Variants in TLE4 observed in about 807,000 individuals in gnomAD.
The protein encoded by TLE4 is transducin-like enhancer protein 4.
In TLE4, 8 loss-of-function variants were observed where a neutral mutation model predicts 92.8. That is an observed-to-expected ratio of 0.09 (90% CI 0.05 to 0.16). The LOEUF (loss-of-function observed/expected upper bound fraction) is 0.16, where lower values mean the gene tolerates loss of function less well. Among genes scored for constraint, TLE4 ranks in the 10% least tolerant of loss-of-function variants. The pLI is 1.00. For missense variants in TLE4, 675 were observed against 997.6 expected (o/e 0.68, Z 4.36); for synonymous variants, 371 against 374.1 (o/e 0.99, Z 0.10).
intron 5 of TLE4, among the ~76,000 whole-genome samples, chr9:79,625,063 A>G (rs1207904218): frequency 9.3e-6 from 1 of 107,552 alleles, no homozygotes; most frequent in East Asian, 3.1e-4. Context: ...TCTGTCGCCC[A>G]GGCTGGAGTG....
At chr9:79,666,437 C>A (rs894399991) in intron 8 of TLE4, among the ~76,000 whole-genome samples, 10 of 152,108 alleles carry the variant, frequency 6.6e-5, no homozygotes, top group Non-Finnish European at 1.5e-4. Flanking sequence ...TGTGGTTTCA[C>A]CATGTTGGCC....
At chr9:79,607,374 T>G (rs1183295409) in intron 4 of TLE4, among the ~76,000 whole-genome samples, 1 of 152,174 alleles carries the variant, frequency 6.6e-6, no homozygotes, top group Non-Finnish European at 1.5e-5. Context: ...CTCTTTAGTT[T>G]AATTAGATCC....
intron 4 of TLE4, among the ~76,000 whole-genome samples, chr9:79,604,207 G>A (rs938233178): frequency 6.6e-6 from 1 of 152,118 alleles, no homozygotes; most frequent in African/African-American, 2.4e-5. Context: ...GATGAGCCAT[G>A]GGAAGATCTG....
At chr9:79,652,548 G>A (rs768619781) in intron 6 of TLE4, 45 bp from the exon 7 acceptor site, 2 of 1,605,922 alleles carry the variant, frequency 1.2e-6, no homozygotes, top group Non-Finnish European at 1.7e-6. Context: ...GCAGGGGTTG[G>A]ATATGGGGGC....
intron 4 of TLE4, among the ~76,000 whole-genome samples, chr9:79,603,560 G>C (rs1012977945): frequency 2.6e-5 from 4 of 152,048 alleles, no homozygotes; most frequent in Admixed American, 2.0e-4. Flanking sequence ...TTAAACTATA[G>C]TACAAACATA....
chr9:79,637,309 A>G (rs140465018), intron 6 of TLE4, among the ~76,000 whole-genome samples: 8 of 152,320 alleles, frequency 5.3e-5, no homozygotes, highest in Non-Finnish European at 1.0e-4. Context: ...GGAAGGAAAT[A>G]CTGTTCCAGC....
At chr9:79,663,583 C>T (rs2060901429) in intron 8 of TLE4, 1 of 152,246 alleles carries the variant, frequency 6.6e-6, no homozygotes. Context: ...GCAAGGTTCC[C>T]CTGGTTTCAT....
Position 79,572,732 on chromosome 9 carries a change from G to A in TLE4, c.-59G>A, listed in dbSNP as rs2036140778. The A allele has an allele frequency of 1.0e-5, 16 of 1,570,248 alleles. No homozygotes were observed. In the South Asian group the frequency reaches 1.4e-4, roughly 13 times the overall value. ...CTGCCGCGGCCGCCTCCTCTTCGGG[G>A]TCATTAAAGCCAATGAGCCGCGCGC... On this transcript the variant is annotated 5_prime_UTR_variant, in exon 1 of 20. Coordinates refer to ENST00000376552, the MANE Select transcript of TLE4 (RefSeq NM_007005.6).
chr9:79,719,825 A>C (rs904719057), intron 15 of TLE4, among the ~76,000 whole-genome samples: 6 of 152,204 alleles, frequency 3.9e-5, no homozygotes, highest in African/African-American at 1.4e-4. Context: ...TTTTGATGCT[A>C]ATTAAGATTA....
intron 4 of TLE4, among the ~76,000 whole-genome samples, chr9:79,579,085 T>C (rs1426302613): frequency 6.6e-6 from 1 of 152,204 alleles, no homozygotes; most frequent in Non-Finnish European, 1.5e-5. Context: ...GTCTTCAAAA[T>C]GGAATTTTTA....
chr9:79,687,228 C>G (rs2066059180), intron 8 of TLE4, among the ~76,000 whole-genome samples: 2 of 152,196 alleles, frequency 1.3e-5, no homozygotes, highest in African/African-American at 4.8e-5. Flanking sequence ...ATGCTCCTCA[C>G]TTGCTCATGG....
rs552322298 is a variant in TLE4, at chr9:79,648,084, A to G, written c.391-4509A>G. ...GAGAGTTCCCTGGATGGTGTTGCAC[A>G]GTAGGGTGGAGTTAGGCTGATGCTA... On this transcript the variant is annotated intron_variant, in intron 6 of 19. Coordinates refer to ENST00000376552, the MANE Select transcript of TLE4 (RefSeq NM_007005.6). 2.0e-5 allele frequency among the ~76,000 whole-genome samples: 3 copies of G among 152,294 alleles called. 1 individual carries two copies. In the South Asian group the frequency reaches 6.2e-4, roughly 32 times the overall value.
rs189875483 is a variant in TLE4, at chr9:79,601,884, C to T, written c.253-10772C>T. Among the ~76,000 whole-genome samples, 90 of 152,218 alleles carry T rather than the reference C, an allele frequency of 5.9e-4. 1 individual carries two copies. The highest frequency in any genetic ancestry group is 1.9e-3 in the African/African-American group (80 of 41,538). On this transcript the variant is annotated intron_variant, in intron 4 of 19. Transcript: ENST00000376552. The stretch of plus-strand genomic sequence containing the variant: ...AAGCCAATGAGCCAAAAGCTAGGTG[C>T]GTTGTGCCCAACAGCCAAGTTATAA...
intron 7 of TLE4, chr9:79,653,004 A>G: frequency 3.0e-6 from 2 of 669,110 alleles, no homozygotes; most frequent in Non-Finnish European, 5.5e-6. Context: ...CTAGAGGCAG[A>G]GGGGCCTATT....
chr9:79,675,450 T>A (rs376824738), intron 8 of TLE4, among the ~76,000 whole-genome samples: 5 of 152,310 alleles, frequency 3.3e-5, no homozygotes, highest in East Asian at 1.9e-4. Context: ...ACTTTAAGAA[T>A]ACCAAATTGG....
intron 8 of TLE4, among the ~76,000 whole-genome samples, chr9:79,671,013 A>G (rs572964267): frequency 6.6e-6 from 1 of 151,982 alleles, no homozygotes; most frequent in Non-Finnish European, 1.5e-5. Context: ...GGAGCAAACT[A>G]GAAGTGTGCC....
intron 14 of TLE4, among the ~76,000 whole-genome samples, chr9:79,709,906 T>C (rs1030913704): frequency 7.2e-5 from 11 of 152,258 alleles, no homozygotes; most frequent in Non-Finnish European, 1.5e-4. Context: ...AGCTTTAATA[T>C]GTAAATGCAA....
chr9:79,581,102 A>G (rs1257448737), intron 4 of TLE4, among the ~76,000 whole-genome samples: 1 of 152,194 alleles, frequency 6.6e-6, no homozygotes, highest in African/African-American at 2.4e-5. Context: ...AGTGAAGGGT[A>G]TTGGTGGTGT....
chr9:79,724,960 C>CATTGAGAAA (rs2076244197), intron 19 of TLE4, 77 bp from the exon 20 acceptor site: 5 of 960,038 alleles, frequency 5.2e-6, no homozygotes, highest in African/African-American at 1.7e-5. Flanking sequence ...ATTACATTTG[C>CATTGAGAAA]ATTTGCTCTA....
Sources: allele counts gnomAD v4.1 joint callset (sites outside exome capture counted in the v4.1 genomes callset), GRCh38; gene constraint gnomAD v4.1.1; transcripts MANE v1.5; gene names NCBI Gene and HGNC (gene_info 2026-07-23, HGNC 2026-07-21).